KIFAP3: variants seen among roughly 807,000 people sequenced by gnomAD.
KIFAP3 encodes the protein kinesin-associated protein 3.
A neutral mutation model predicts 106.5 loss-of-function variants in KIFAP3; 68 were observed. The ratio of observed to expected loss-of-function variants is 0.64; its 90% confidence interval spans 0.53 to 0.78. KIFAP3 has a LOEUF of 0.78. Ranked by LOEUF, KIFAP3 falls within the 30% of genes least tolerant of loss-of-function variation. The probability of loss-of-function intolerance (pLI) is 0.00; values close to 1 mark genes in which losing one functional copy is unlikely to be tolerated. For synonymous variants in KIFAP3, 320 were observed against 311.5 expected, an observed-to-expected ratio of 1.03 and a Z score of -0.29; for missense variants, 780 against 941.8, an observed-to-expected ratio of 0.83 and a Z score of 2.25.
At chr1:170,008,955 C>G (rs1668107337) in intron 10 of KIFAP3, among the ~76,000 whole-genome samples, 1 of 152,152 alleles carries the variant, frequency 6.6e-6, no homozygotes. Flanking sequence ...AGGATGAGAT[C>G]ATGTCCTTTG....
chr1:170,040,210 A>G (rs999076909), intron 3 of KIFAP3, among the ~76,000 whole-genome samples: 11 of 152,178 alleles, frequency 7.2e-5, no homozygotes, highest in African/African-American at 1.9e-4. Flanking sequence ...AATGAATCAA[A>G]TAAGTATTAT....
intron 11 of KIFAP3, among the ~76,000 whole-genome samples, chr1:169,990,588 T>A (rs1403382813): frequency 6.6e-6 from 1 of 152,162 alleles, no homozygotes; most frequent in African/African-American, 2.4e-5. Flanking sequence ...AGTGTTACAA[T>A]AATCATAATT....
chr1:169,938,585 T>C (rs759844376), intron 19 of KIFAP3, among the ~76,000 whole-genome samples: 58 of 152,104 alleles, frequency 3.8e-4, no homozygotes, highest in Non-Finnish European at 1.2e-4. Flanking sequence ...CTTTAAAACT[T>C]CTATTAAACA....
intron 1 of KIFAP3, 100 bp downstream of exon 1, chr1:170,074,336 C>G: frequency 7.2e-7 from 1 of 1,382,166 alleles, no homozygotes; most frequent in Non-Finnish European, 1.0e-6. Context: ...CCCATCCCGT[C>G]TGCTAAACTA....
chr1:169,983,529 T>C (rs1666640802), intron 12 of KIFAP3, 147 bp from the exon 13 acceptor site: 5 of 633,338 alleles, frequency 7.9e-6, no homozygotes, highest in South Asian at 7.4e-5. Flanking sequence ...ATGCAACCCA[T>C]ACCATATATC....
intron 10 of KIFAP3, among the ~76,000 whole-genome samples, chr1:169,994,838 T>C (rs1327407431): frequency 2.6e-5 from 4 of 152,056 alleles, no homozygotes; most frequent in Non-Finnish European, 5.9e-5. Flanking sequence ...AGAGCTTTAC[T>C]ACAAAATTTA....
intron 9 of KIFAP3, among the ~76,000 whole-genome samples, chr1:170,016,910 T>C (rs1428151284): frequency 6.6e-6 from 1 of 152,162 alleles, no homozygotes; most frequent in Admixed American, 6.5e-5. Context: ...ACCTACTAAG[T>C]ACCAGGCCCT....
chr1:170,027,884 A>G (rs1172710227), intron 8 of KIFAP3, among the ~76,000 whole-genome samples: 1 of 152,134 alleles, frequency 6.6e-6, no homozygotes, highest in Non-Finnish European at 1.5e-5. Flanking sequence ...ACGAATGATG[A>G]AGAGACAATC....
chr1:169,943,711 T>C (rs544825961), intron 19 of KIFAP3, among the ~76,000 whole-genome samples: 1 of 152,346 alleles, frequency 6.6e-6, no homozygotes, highest in South Asian at 2.1e-4. Flanking sequence ...AAAGACTTTC[T>C]TTCTTTCCAT....
chr1:170,036,537 A>T (rs1282824623), intron 5 of KIFAP3, among the ~76,000 whole-genome samples: 3 of 152,140 alleles, frequency 2.0e-5, no homozygotes, highest in Non-Finnish European at 4.4e-5. Flanking sequence ...TTTGAAAAAA[A>T]TTATTTTGGA....
chr1:169,972,567 A>G lies in KIFAP3; in HGVS notation c.1929T>C (p.His643=), dbSNP rs781215678. Residue 643 remains histidine, a synonymous_variant, in exon 17 of 20, where the codon CAT becomes CAC. Transcript: ENST00000361580. ...QAPAYLIDLM[H]DKNNEIRKVC... The stretch of plus-strand genomic sequence containing the variant: ...CCTTTCGGATTTCATTATTCTTATC[A>G]TGCATTAGGTCTATGAGATATGCTG... 1 of 1,572,274 alleles carries G rather than the reference A, an allele frequency of 6.4e-7. No homozygotes were observed.
chr1:170,020,182 T>C (rs1220660455), intron 9 of KIFAP3, among the ~76,000 whole-genome samples: 2 of 152,176 alleles, frequency 1.3e-5, no homozygotes, highest in Admixed American at 6.5e-5. Flanking sequence ...TATACTATAT[T>C]CATGGATTGG....
intron 19 of KIFAP3, among the ~76,000 whole-genome samples, chr1:169,951,434 T>C (rs1664726629): frequency 6.6e-6 from 1 of 151,918 alleles, no homozygotes; most frequent in Admixed American, 6.6e-5. Context: ...CTGGGATATG[T>C]CTTTTGTGAA....
intron 19 of KIFAP3, among the ~76,000 whole-genome samples, chr1:169,946,036 G>A (rs989720941): frequency 6.6e-6 from 1 of 152,084 alleles, no homozygotes; most frequent in Non-Finnish European, 1.5e-5. Context: ...AAACAAATAA[G>A]AGAAATCAGA....
At chr1:169,957,801 A>G (rs1665103468) in intron 18 of KIFAP3, 1 of 151,778 alleles carries the variant, frequency 6.6e-6, no homozygotes, top group Non-Finnish European at 1.5e-5. Flanking sequence ...TAATTTTTGT[A>G]TTTTCAGTAG....
In KIFAP3 at chr1:170,064,488, G is replaced by A. The variant is rs546001005; in HGVS notation, c.33-9052C>T. Among the ~76,000 whole-genome samples, 4 of 152,222 alleles carry A rather than the reference G, an allele frequency of 2.6e-5. No individual in the cohort carries two copies. The East Asian group carries it at 5.8e-4, about 22-fold the overall frequency. On this transcript the variant is annotated intron_variant, in intron 1 of 19. Coordinates refer to ENST00000361580, the MANE Select transcript of KIFAP3 (RefSeq NM_014970.4). ...CCCACCTCCACCTTCCAAGTAGCTGGGACTACAGGCATGCACCACCATGCC... is the reference window on the plus strand; with the variant it reads ...CCCACCTCCACCTTCCAAGTAGCTGAGACTACAGGCATGCACCACCATGCC...
At chr1:169,985,453 A>G (rs1666771606) in intron 11 of KIFAP3, among the ~76,000 whole-genome samples, 1 of 151,892 alleles carries the variant, frequency 6.6e-6, no homozygotes, top group Admixed American at 6.6e-5. Context: ...GGAGGAGTCA[A>G]AGATGACTTC....
chr1:169,935,352 T>C (rs1443221357), intron 19 of KIFAP3, among the ~76,000 whole-genome samples: 2 of 152,048 alleles, frequency 1.3e-5, no homozygotes, highest in African/African-American at 2.4e-5. Context: ...AATTAGCCAC[T>C]TGATACTGTC....
chr1:170,021,616 T>C (rs563580475), intron 9 of KIFAP3, among the ~76,000 whole-genome samples: 7 of 151,818 alleles, frequency 4.6e-5, no homozygotes, highest in African/African-American at 1.7e-4. Flanking sequence ...GTTTTTGTAT[T>C]TTTAGTAGAG....
Sources: gnomAD v4.1 joint callset for allele counts (sites outside exome capture counted in the v4.1 genomes callset) on GRCh38, gnomAD v4.1.1 for gene constraint, MANE v1.5 for transcripts, NCBI Gene and HGNC (gene_info 2026-07-23, HGNC 2026-07-21) for gene names.